Variants in SKAP2 observed in about 807,000 individuals in gnomAD.
SKAP2 encodes src kinase-associated phosphoprotein 2.
SKAP2 carries 28 observed loss-of-function variants against 54.9 expected under a neutral mutation model. That is an observed-to-expected ratio of 0.51 (90% CI 0.38 to 0.70). The LOEUF is 0.70. Among genes scored for constraint, SKAP2 ranks in the 30% least tolerant of loss-of-function variants. The probability of loss-of-function intolerance (pLI) is 0.00; values close to 1 mark genes in which losing one functional copy is unlikely to be tolerated. For synonymous variants in SKAP2, 137 were observed against 134.3 expected (o/e 1.02, Z -0.14); for missense variants, 356 against 424.1 (o/e 0.84, Z 1.41).
At chr7:26,728,205 T>G (rs528181350) in intron 6 of SKAP2, among the ~76,000 whole-genome samples, 20 of 152,252 alleles carry the variant, frequency 1.3e-4, no homozygotes, top group Middle Eastern at 3.4e-3. Flanking sequence ...AAACTCTATG[T>G]TTTTCACAAA....
chr7:26,738,726 A>G (rs1222405028), intron 6 of SKAP2, 69 bp downstream of exon 6: 2 of 807,496 alleles, frequency 2.5e-6, no homozygotes, highest in African/African-American at 3.4e-5. Context: ...TCTGTACTCA[A>G]AAGAGGGGGA....
At chr7:26,849,709 A>C (rs903689371) in intron 3 of SKAP2, among the ~76,000 whole-genome samples, 1 of 151,054 alleles carries the variant, frequency 6.6e-6, no homozygotes, top group Admixed American at 6.6e-5. Flanking sequence ...AAAAAGCTGT[A>C]GACACTAACA....
At chr7:26,662,057 T>G in the SKAP2 span, among the ~76,000 whole-genome samples, 1 of 152,092 alleles carries the variant, frequency 6.6e-6, no homozygotes, top group Non-Finnish European at 1.5e-5. Context: ...TTCTTACTAC[T>G]ACTCACTTTC....
chr7:26,862,554 G>A (rs1000342710), intron 1 of SKAP2, among the ~76,000 whole-genome samples: 13 of 151,980 alleles, frequency 8.6e-5, no homozygotes, highest in Non-Finnish European at 1.8e-4. Flanking sequence ...AATTTCAGAT[G>A]CTATGCTAGT....
chr7:26,747,754 CTCT>C (rs1168646578), intron 4 of SKAP2, among the ~76,000 whole-genome samples: 1 of 151,800 alleles, frequency 6.6e-6, no homozygotes. Flanking sequence ...CTCCTCCCTT[CTCT>C]TCTTCTCACC....
intron 11 of SKAP2, among the ~76,000 whole-genome samples, chr7:26,682,072 C>T (rs1359308486): frequency 6.6e-6 from 1 of 152,038 alleles, no homozygotes; most frequent in Non-Finnish European, 1.5e-5. Flanking sequence ...CTCTGAGAAA[C>T]TCAATTAAAC....
At chr7:26,836,584 G>C (rs982057740) in intron 4 of SKAP2, among the ~76,000 whole-genome samples, 1 of 152,086 alleles carries the variant, frequency 6.6e-6, no homozygotes, top group Non-Finnish European at 1.5e-5. Context: ...AACATAAGAA[G>C]AAAAGCTCAT....
intron 9 of SKAP2, among the ~76,000 whole-genome samples, chr7:26,720,307 T>C (rs1403012789): frequency 6.6e-6 from 1 of 152,204 alleles, no homozygotes; most frequent in African/African-American, 2.4e-5. Flanking sequence ...GAATTTGCAA[T>C]GCCAATGGCA....
chr7:26,661,685 A>C, the SKAP2 span, among the ~76,000 whole-genome samples: 1 of 152,156 alleles, frequency 6.6e-6, no homozygotes, highest in Non-Finnish European at 1.5e-5. Flanking sequence ...CTCTAGGATT[A>C]TTTGCATCAA....
chr7:26,811,323 T>C (rs1784139624), intron 4 of SKAP2, among the ~76,000 whole-genome samples: 2 of 152,350 alleles, frequency 1.3e-5, no homozygotes, highest in Admixed American at 1.3e-4. Context: ...AAAATTATTC[T>C]GATATATTTC....
chr7:26,760,908 T>C (rs1043426495), intron 4 of SKAP2, among the ~76,000 whole-genome samples: 21 of 152,114 alleles, frequency 1.4e-4, no homozygotes, highest in Non-Finnish European at 1.5e-4. Flanking sequence ...AATGAATCAA[T>C]AGTCAGTAGT....
intron 4 of SKAP2, among the ~76,000 whole-genome samples, chr7:26,756,676 A>G (rs376147334): frequency 6.6e-6 from 1 of 152,158 alleles, no homozygotes; most frequent in Non-Finnish European, 1.5e-5. Flanking sequence ...ATGATTTATA[A>G]TCCTTTGGGT....
chr7:26,857,605 G>A lies in SKAP2; in HGVS notation c.68-2715C>T, dbSNP rs1205230320. On this transcript the variant is annotated intron_variant, in intron 1 of 12. Coordinates refer to ENST00000345317, the MANE Select transcript of SKAP2 (RefSeq NM_003930.5). ...CGCCGCAAAGAAGTTGTAGGGCTGC[G>A]AGATGCTCCAGCTCTGCCCTCTGAG... 3 of 985,278 alleles carry A rather than the reference G, an allele frequency of 3.0e-6. No individual in the cohort carries two copies. In the Admixed American group the frequency reaches 1.8e-4, roughly 61 times the overall value. The allele number at this position is 985,278 out of a possible 1,614,324, so 61.0% of individuals were successfully genotyped here. A position where few individuals can be genotyped will look rare whatever the true frequency, so the allele number is the denominator to read the frequency against.
chr7:26,702,235 A>G (rs888706136), intron 9 of SKAP2, among the ~76,000 whole-genome samples: 41 of 151,488 alleles, frequency 2.7e-4, no homozygotes, highest in African/African-American at 9.9e-4. Flanking sequence ...GCACACTGAA[A>G]CCTCTACCTC....
At chr7:26,706,425 T>C (rs1476135204) in intron 9 of SKAP2, among the ~76,000 whole-genome samples, 1 of 152,158 alleles carries the variant, frequency 6.6e-6, no homozygotes, top group Admixed American at 6.5e-5. Context: ...AACAGTCTTC[T>C]TTCCAACCAG....
chr7:26,656,816 A>G, the SKAP2 span, among the ~76,000 whole-genome samples: 1 of 152,060 alleles, frequency 6.6e-6, no homozygotes, highest in African/African-American at 2.4e-5. Context: ...TGGTTCATCT[A>G]CCAGGATGTG....
chr7:26,757,256 G>A (rs1782815736), intron 4 of SKAP2, among the ~76,000 whole-genome samples: 1 of 152,120 alleles, frequency 6.6e-6, no homozygotes, highest in Admixed American at 6.6e-5. Flanking sequence ...CCATGCCTAT[G>A]TCCTGAATGG....
chr7:26,776,967 G>A (rs1044275805), intron 4 of SKAP2, among the ~76,000 whole-genome samples: 7 of 152,190 alleles, frequency 4.6e-5, no homozygotes, highest in Middle Eastern at 3.4e-3. Context: ...ATTCCCAAAT[G>A]TTCTGTCTCA....
chr7:26,752,330 T>A (rs1782703609), intron 4 of SKAP2, among the ~76,000 whole-genome samples: 2 of 152,218 alleles, frequency 1.3e-5, no homozygotes, highest in South Asian at 2.1e-4. Flanking sequence ...ATGTCCTCAA[T>A]AACATTTTTA....
Sources: gnomAD v4.1 joint callset for allele counts (sites outside exome capture counted in the v4.1 genomes callset) on GRCh38, gnomAD v4.1.1 for gene constraint, MANE v1.5 for transcripts, NCBI Gene and HGNC (gene_info 2026-07-23, HGNC 2026-07-21) for gene names.